MAML2: variants seen among roughly 807,000 people sequenced by gnomAD.
The protein encoded by MAML2 is mastermind like transcriptional coactivator 2, also known as mastermind-like protein 2.
In MAML2, 22 loss-of-function variants were observed where a neutral mutation model predicts 96.1. The observed-to-expected ratio is 0.23, with a 90% confidence interval of 0.16 to 0.33. The LOEUF is 0.33. Ranked by LOEUF, MAML2 falls within the 10% of genes least tolerant of loss-of-function variation. The pLI is 1.00. For synonymous variants in MAML2, 561 were observed against 521.3 expected, an observed-to-expected ratio of 1.08 and a Z score of -1.04; for missense variants, 1,367 against 1,392.4, an observed-to-expected ratio of 0.98 and a Z score of 0.29.
At chr11:96,216,743 C>G (rs1862055413) in intron 1 of MAML2, among the ~76,000 whole-genome samples, 1 of 152,142 alleles carries the variant, frequency 6.6e-6, no homozygotes, top group Non-Finnish European at 1.5e-5. Flanking sequence ...AGCAGGGAAG[C>G]AACTGATTAG....
intron 3 of MAML2, among the ~76,000 whole-genome samples, chr11:95,988,301 C>G (rs1565181948): frequency 6.6e-6 from 1 of 151,396 alleles, no homozygotes; most frequent in Non-Finnish European, 1.5e-5. Flanking sequence ...CTTTGTCATC[C>G]AGGCTGGAGT....
intron 1 of MAML2, among the ~76,000 whole-genome samples, chr11:96,265,599 C>G (rs983844449): frequency 3.9e-5 from 6 of 152,132 alleles, no homozygotes; most frequent in Non-Finnish European, 7.4e-5. Context: ...CCACCCAGGC[C>G]CCCATCCTGT....
At chr11:96,035,875 G>A (rs961894395) in intron 2 of MAML2, among the ~76,000 whole-genome samples, 32 of 152,256 alleles carry the variant, frequency 2.1e-4, no homozygotes, top group African/African-American at 6.5e-4. Flanking sequence ...CCATGTGACC[G>A]TGGGCAAGTT....
intron 1 of MAML2, among the ~76,000 whole-genome samples, chr11:96,322,939 C>T (rs866448705): frequency 2.0e-5 from 3 of 152,264 alleles, no homozygotes; most frequent in South Asian, 2.1e-4. Flanking sequence ...GCCTAGGCTT[C>T]AGGTTCTTTC....
intron 1 of MAML2, among the ~76,000 whole-genome samples, chr11:96,286,536 C>CT (rs1863143103): frequency 6.6e-6 from 1 of 151,626 alleles, no homozygotes; most frequent in Non-Finnish European, 1.5e-5. Context: ...GATTTAAGTT[C>CT]TTAAACTGTT....
chr11:96,341,841 C>A lies in MAML2; in HGVS notation c.55G>T (p.Gly19Trp). 6.4e-7 allele frequency: 1 copy of A among 1,571,268 alleles called. No individual in the cohort carries two copies. Among genetic ancestry groups the A allele is most frequent in the South Asian group, 1.2e-5 (1 of 86,776 alleles). Residue 19 changes from glycine to tryptophan, a missense_variant, in exon 1 of 5, where the codon GGG (glycine) becomes TGG (tryptophan). Coordinates refer to ENST00000524717, the MANE Select transcript of MAML2 (RefSeq NM_032427.4). ...GAGCCCCCTCCAAGGAGCCCCGCCC[C>A]AGAGGCCCCCCCTAGCCCTCCTGCG... Reference protein sequence around the residue: ...APAGGLGGASGAGLLGGGSVT... With the variant: ...APAGGLGGASWAGLLGGGSVT...
At chr11:96,021,343 T>C (rs1026034786) in intron 2 of MAML2, among the ~76,000 whole-genome samples, 1 of 152,234 alleles carries the variant, frequency 6.6e-6, no homozygotes, top group Non-Finnish European at 1.5e-5. Context: ...ATCGATATAT[T>C]TCAGGTTTCT....
chr11:96,233,738 G>A (rs1344848942), intron 1 of MAML2, among the ~76,000 whole-genome samples: 1 of 152,172 alleles, frequency 6.6e-6, no homozygotes, highest in Non-Finnish European at 1.5e-5. Flanking sequence ...TGGCATATGG[G>A]AGATGAAGGA....
In MAML2 at chr11:96,094,850, T is replaced by C. The variant is rs1591010283; in HGVS notation, c.514-1333A>G. Reference sequence around the variant, plus strand: ...CCTAGATAGAAAATTCTATCACTTCTCCTATCTTCTCTTCTCACTTATGGC... The same window carrying C: ...CCTAGATAGAAAATTCTATCACTTCCCCTATCTTCTCTTCTCACTTATGGC... On this transcript the variant is annotated intron_variant, in intron 1 of 4. Coordinates refer to ENST00000524717, the MANE Select transcript of MAML2 (RefSeq NM_032427.4). 1.3e-5 allele frequency among the ~76,000 whole-genome samples: 2 copies of C among 152,306 alleles called. 1 individual carries two copies. Among genetic ancestry groups the C allele is most frequent in the East Asian group, 3.9e-4 (2 of 5,180 alleles).
chr11:96,006,709 C>A (rs751872411), intron 2 of MAML2, among the ~76,000 whole-genome samples: 2 of 151,452 alleles, frequency 1.3e-5, no homozygotes, highest in African/African-American at 4.9e-5. Flanking sequence ...CAGGCACGTG[C>A]CACCATACCT....
intron 2 of MAML2, among the ~76,000 whole-genome samples, chr11:96,037,642 T>C (rs1362421311): frequency 6.6e-6 from 1 of 152,162 alleles, no homozygotes; most frequent in African/African-American, 2.4e-5. Flanking sequence ...AGAGAGGACG[T>C]GCAAAGGGGA....
chr11:96,078,500 C>T (rs181895200), intron 2 of MAML2, among the ~76,000 whole-genome samples: 136 of 152,332 alleles, frequency 8.9e-4, no homozygotes, highest in Non-Finnish European at 1.7e-3. Context: ...GAACTCAACA[C>T]TCAAAATCAG....
At chr11:96,135,746 C>T (rs1159585126) in intron 1 of MAML2, among the ~76,000 whole-genome samples, 3 of 151,450 alleles carry the variant, frequency 2.0e-5, no homozygotes, top group African/African-American at 4.9e-5. Context: ...CTGCTCAAGG[C>T]TGCATTCTTA....
At chr11:96,119,524 G>C (rs937510152) in intron 1 of MAML2, among the ~76,000 whole-genome samples, 1 of 152,220 alleles carries the variant, frequency 6.6e-6, no homozygotes, top group African/African-American at 2.4e-5. Flanking sequence ...ACCCCTTGAA[G>C]TGTAATGTGA....
chr11:96,052,441 A>C (rs2135769027), intron 2 of MAML2, among the ~76,000 whole-genome samples: 1 of 152,312 alleles, frequency 6.6e-6, no homozygotes, highest in East Asian at 1.9e-4. Context: ...TTCATACAGA[A>C]ATAAGTAAGA....
chr11:96,016,159 T>G (rs1312741253), intron 2 of MAML2, among the ~76,000 whole-genome samples: 1 of 151,858 alleles, frequency 6.6e-6, no homozygotes, highest in Non-Finnish European at 1.5e-5. Flanking sequence ...CTGTATCTCA[T>G]GTAGATAGAC....
chr11:96,321,647 A>G (rs1290331531), intron 1 of MAML2, among the ~76,000 whole-genome samples: 2 of 152,210 alleles, frequency 1.3e-5, no homozygotes, highest in African/African-American at 4.8e-5. Context: ...GTATGTCTAT[A>G]GAAGGTTTTT....
intron 1 of MAML2, among the ~76,000 whole-genome samples, chr11:96,137,211 T>C (rs749896499): frequency 6.6e-6 from 1 of 152,194 alleles, no homozygotes; most frequent in Non-Finnish European, 1.5e-5. Flanking sequence ...GACTGCTAAA[T>C]TGTAGAGTGA....
chr11:96,074,594 G>A (rs1259376753), intron 2 of MAML2, among the ~76,000 whole-genome samples: 1 of 152,228 alleles, frequency 6.6e-6, no homozygotes, highest in Non-Finnish European at 1.5e-5. Context: ...AAAGCCACCT[G>A]AAGTCATTCA....
Sources: allele counts gnomAD v4.1 joint callset (sites outside exome capture counted in the v4.1 genomes callset), GRCh38; gene constraint gnomAD v4.1.1; transcripts MANE v1.5; gene names NCBI Gene and HGNC (gene_info 2026-07-23, HGNC 2026-07-21).